Variants in MAPK14 observed in about 807,000 individuals in gnomAD.
MAPK14 encodes the protein mitogen-activated protein kinase 14.
A neutral mutation model predicts 49.6 loss-of-function variants in MAPK14; 16 were observed. That is an observed-to-expected ratio of 0.32 (90% CI 0.22 to 0.49). MAPK14 has a LOEUF of 0.49. MAPK14 is among the 20% of genes least tolerant of loss of function. MAPK14 has a pLI of 0.99. For synonymous variants in MAPK14, 142 were observed against 158.0 expected, an observed-to-expected ratio of 0.90 and a Z score of 0.76; for missense variants, 200 against 441.2, an observed-to-expected ratio of 0.45 and a Z score of 4.90.
chr6:36,045,531 G>C (rs941580238), intron 1 of MAPK14, among the ~76,000 whole-genome samples: 1 of 152,092 alleles, frequency 6.6e-6, no homozygotes, highest in Non-Finnish European at 1.5e-5. Flanking sequence ...ACCTCTGGCC[G>C]GGTGTGGTGG....
At chr6:36,039,836 C>T (rs529255275) in intron 1 of MAPK14, among the ~76,000 whole-genome samples, 10 of 152,042 alleles carry the variant, frequency 6.6e-5, no homozygotes, top group Non-Finnish European at 1.5e-4. Context: ...GAAACCCCAT[C>T]TCTACAAAAA....
Position 36,107,379 on chromosome 6 carries a change from C to A in MAPK14, c.842-76C>A. Reference sequence around the variant, plus strand: ...TTTGTTTGGATATGAAGGGTCAAAACTATGTTTGCTCAATAAGGCATACTT... The same window carrying A: ...TTTGTTTGGATATGAAGGGTCAAAAATATGTTTGCTCAATAAGGCATACTT... On this transcript the variant is annotated intron_variant, in intron 10 of 11. Coordinates refer to ENST00000229794, the MANE Select transcript of MAPK14 (RefSeq NM_139012.3). This position sits in a 1 kb window ranked among gnomAD's most constrained non-coding sequence, Gnocchi z 4.3. 1 of 1,059,536 alleles carries A rather than the reference C, an allele frequency of 9.4e-7. No homozygotes were observed. Among genetic ancestry groups the A allele is most frequent in the Non-Finnish European group, 1.3e-6 (1 of 749,982 alleles). 65.6% of individuals were successfully genotyped at this position (1,059,536 alleles called of 1,614,324 possible).
chr6:36,074,812 C>T (rs1453993913), intron 6 of MAPK14, among the ~76,000 whole-genome samples: 1 of 151,896 alleles, frequency 6.6e-6, no homozygotes, highest in East Asian at 2.0e-4. Flanking sequence ...GATGGGATTT[C>T]ACCATGTTGG....
rs1352373506 is a variant in MAPK14, at chr6:36,028,810, T to TC, written c.116+537_116+538insC. Reference sequence around the variant, plus strand: ...CCGGGCCTTTTTTTTTTTTTTTTTTTTTCAAAACTCTGTCGAAATCCCATC... The same window carrying TC: ...CCGGGCCTTTTTTTTTTTTTTTTTTTCTTCAAAACTCTGTCGAAATCCCATC... On this transcript the variant is annotated intron_variant, in intron 1 of 11. Coordinates refer to ENST00000229794, the MANE Select transcript of MAPK14 (RefSeq NM_139012.3). This position sits in a 1 kb window ranked among gnomAD's most constrained non-coding sequence, Gnocchi z 5.1. 2.0e-5 allele frequency among the ~76,000 whole-genome samples: 3 copies of TC among 150,082 alleles called. No homozygotes were observed.
chr6:36,048,976 G>A (rs1252960038), intron 1 of MAPK14, among the ~76,000 whole-genome samples: 1 of 152,230 alleles, frequency 6.6e-6, no homozygotes, highest in Admixed American at 6.5e-5. Flanking sequence ...TACAGAGTTT[G>A]AGTAGAAGCA....
rs1010386314 is a variant in MAPK14, at chr6:36,028,532, A to G, written c.116+259A>G. Among the ~76,000 whole-genome samples the G allele has an allele frequency of 2.2e-4, 33 of 152,164 alleles. 1 individual carries two copies. Among genetic ancestry groups the G allele is most frequent in the Non-Finnish European group, 4.6e-4 (31 of 68,022 alleles). The stretch of plus-strand genomic sequence containing the variant: ...GTGGTGCTGGAGCTCGGTTCTGGCT[A>G]GCACCCTGCGCCTTCCCCTCTCGGA... On this transcript the variant is annotated intron_variant, in intron 1 of 11. Transcript: ENST00000229794. The surrounding 1 kb of genome is among the most constrained non-coding windows in gnomAD (Gnocchi z 5.1).
chr6:36,082,438 C>T (rs891262966), intron 8 of MAPK14, among the ~76,000 whole-genome samples: 2 of 152,166 alleles, frequency 1.3e-5, no homozygotes, highest in Non-Finnish European at 2.9e-5. Context: ...TGAAGGAATA[C>T]CTGAAACTAG....
At chr6:36,053,969 A>G (rs1367368948) in intron 2 of MAPK14, among the ~76,000 whole-genome samples, 1 of 152,054 alleles carries the variant, frequency 6.6e-6, no homozygotes, top group African/African-American at 2.4e-5. Context: ...ATTCCTGAGT[A>G]TAATTTTACT....
At chr6:36,103,899 T>TGGGTCATCTGTC (rs1765718692) in intron 10 of MAPK14, among the ~76,000 whole-genome samples, 2 of 152,244 alleles carry the variant, frequency 1.3e-5, no homozygotes, top group Non-Finnish European at 2.9e-5. Context: ...TTGCATCTGT[T>TGGGTCATCTGTC]TGGGTCATCT....
At chr6:36,074,984 T>A (rs1013800615) in intron 6 of MAPK14, among the ~76,000 whole-genome samples, 5 of 151,040 alleles carry the variant, frequency 3.3e-5, no homozygotes, top group African/African-American at 9.7e-5. Flanking sequence ...CCCAGCACTT[T>A]GGGAGGCCAA....
chr6:36,121,013 C>T, the MAPK14 span, among the ~76,000 whole-genome samples: 2 of 152,118 alleles, frequency 1.3e-5, no homozygotes, highest in Admixed American at 1.3e-4. Flanking sequence ...CTGGCAAAGC[C>T]AGCCCAGGAA....
chr6:36,108,469 G>A lies in MAPK14; in HGVS notation c.*22G>A, dbSNP rs1765866568. On this transcript the variant is annotated 3_prime_UTR_variant, in exon 12 of 12. Coordinates refer to ENST00000229794, the MANE Select transcript of MAPK14 (RefSeq NM_139012.3). ...CTGAGCACCTGGTTTCTGTTCTGTT[G>A]ATCCCACTTCACTGTGAGGGGAAGG... 2 of 1,598,392 alleles carry A rather than the reference G, an allele frequency of 1.3e-6. No individual in the cohort carries two copies. Among genetic ancestry groups the A allele is most frequent in the South Asian group, 1.1e-5 (1 of 90,762 alleles).
chr6:36,051,450 A>G (rs664367), intron 1 of MAPK14, among the ~76,000 whole-genome samples: 64,037 of 151,958 alleles, frequency 0.42, 15,108 homozygotes, highest in South Asian at 0.62. Context: ...CATTTTTGCT[A>G]TAGATGTCCT....
At chr6:36,089,655 A>G (rs1186766103) in intron 8 of MAPK14, among the ~76,000 whole-genome samples, 5 of 152,186 alleles carry the variant, frequency 3.3e-5, no homozygotes, top group African/African-American at 1.2e-4. Context: ...CATCTGGCCT[A>G]ATGATAGCAT....
chr6:36,034,733 A>G (rs1252672484), intron 1 of MAPK14, among the ~76,000 whole-genome samples: 1 of 151,768 alleles, frequency 6.6e-6, no homozygotes, highest in Non-Finnish European at 1.5e-5. Context: ...CACAGGCACA[A>G]CTCGTTTTAT....
the MAPK14 span, among the ~76,000 whole-genome samples, chr6:36,119,966 T>C: frequency 3.3e-5 from 5 of 152,026 alleles, no homozygotes; most frequent in Admixed American, 2.6e-4. Flanking sequence ...AAACACCAAC[T>C]TGTAGAGGGG....
intron 1 of MAPK14, among the ~76,000 whole-genome samples, chr6:36,033,375 G>A (rs1044182266): frequency 4.0e-5 from 6 of 151,266 alleles, no homozygotes; most frequent in African/African-American, 1.5e-4. Flanking sequence ...GGGGCGCAGT[G>A]GTGCAATCTC....
At chr6:36,065,968 C>T (rs1004089601) in intron 3 of MAPK14, among the ~76,000 whole-genome samples, 2 of 152,160 alleles carry the variant, frequency 1.3e-5, no homozygotes, top group African/African-American at 4.8e-5. Flanking sequence ...GGTTTGACTT[C>T]TTGCCAACAT....
chr6:36,107,675 C>T lies in MAPK14; in HGVS notation c.1015+47C>T, dbSNP rs773121617. The T allele has an allele frequency of 9.3e-6, 13 of 1,396,752 alleles. No homozygotes were observed. Among genetic ancestry groups the T allele is most frequent in the South Asian group, 1.6e-5 (1 of 60,864 alleles). The allele number at this position is 1,396,752 out of a possible 1,614,324, so 86.5% of individuals were successfully genotyped here. On this transcript the variant is annotated intron_variant, in intron 11 of 11. Coordinates refer to ENST00000229794, the MANE Select transcript of MAPK14 (RefSeq NM_139012.3). This position sits in a 1 kb window ranked among gnomAD's most constrained non-coding sequence, Gnocchi z 4.3. Reference sequence around the variant, plus strand: ...AACATCTTGAACCACTAACCAAAAGCGGTGGGAAAAATAAAAACTGAATGG... The same window carrying T: ...AACATCTTGAACCACTAACCAAAAGTGGTGGGAAAAATAAAAACTGAATGG...
Sources: gnomAD v4.1 joint callset for allele counts (sites outside exome capture counted in the v4.1 genomes callset) on GRCh38, gnomAD v4.1.1 for gene constraint, Gnocchi (gnomAD v3.1) non-coding constraint, MANE v1.5 for transcripts, NCBI Gene and HGNC (gene_info 2026-07-23, HGNC 2026-07-21) for gene names.